ESRRB: variants seen among roughly 807,000 people sequenced by gnomAD.
ESRRB encodes estrogen related receptor beta, also known as steroid hormone receptor ERR2.
ESRRB carries 16 observed loss-of-function variants against 46.0 expected under a neutral mutation model. That is an observed-to-expected ratio of 0.35 (90% CI 0.24 to 0.53). ESRRB has a LOEUF of 0.53. ESRRB is among the 20% of genes least tolerant of loss of function. The probability of loss-of-function intolerance (pLI) is 0.93; values close to 1 mark genes in which losing one functional copy is unlikely to be tolerated. For missense variants in ESRRB, 488 were observed against 607.4 expected, an observed-to-expected ratio of 0.80 and a Z score of 2.07; for synonymous variants, 246 against 259.6, an observed-to-expected ratio of 0.95 and a Z score of 0.50.
chr14:76,500,151 C>A lies in ESRRB; in HGVS notation c.*1693C>A. 1 of 1,177,140 alleles carries A rather than the reference C, an allele frequency of 8.5e-7. No individual in the cohort carries two copies. The highest frequency in any genetic ancestry group is 1.2e-6 in the Non-Finnish European group (1 of 829,746). The allele number at this position is 1,177,140 out of a possible 1,614,324, so 72.9% of individuals were successfully genotyped here. ...GAACCTCCCGGCCTGGGCTTCTGGGCTGGGACGTGCTGAGGTCATCCCAGA... is the reference window on the plus strand; with the variant it reads ...GAACCTCCCGGCCTGGGCTTCTGGGATGGGACGTGCTGAGGTCATCCCAGA... On this transcript the variant is annotated 3_prime_UTR_variant, in exon 7 of 7. Coordinates refer to ENST00000644823, the MANE Select transcript of ESRRB (RefSeq NM_001379180.1).
chr14:76,383,198 A>G (rs951321891), intron 1 of ESRRB, among the ~76,000 whole-genome samples: 3 of 152,198 alleles, frequency 2.0e-5, no homozygotes, highest in African/African-American at 7.2e-5. Flanking sequence ...CTTTTCTATC[A>G]AGGAAACGAT....
chr14:76,418,142 A>T (rs569179055), intron 1 of ESRRB, among the ~76,000 whole-genome samples: 36 of 151,872 alleles, frequency 2.4e-4, no homozygotes, highest in African/African-American at 6.8e-4. Flanking sequence ...TTTTAGTAAG[A>T]CAGGGTTTCA....
At chr14:76,437,504 C>T (rs540481828) in intron 1 of ESRRB, among the ~76,000 whole-genome samples, 1 of 152,326 alleles carries the variant, frequency 6.6e-6, no homozygotes, top group South Asian at 2.1e-4. Context: ...CCCTGCCACC[C>T]AAGAGTCGTC....
intron 1 of ESRRB, among the ~76,000 whole-genome samples, chr14:76,434,479 T>C (rs772956871): frequency 1.2e-4 from 18 of 151,692 alleles, no homozygotes; most frequent in Admixed American, 1.1e-3. Flanking sequence ...AGCGAACCCC[T>C]GTCTCTACCA....
chr14:76,327,373 T>C (rs1377801288), intron 1 of ESRRB, among the ~76,000 whole-genome samples: 2 of 152,212 alleles, frequency 1.3e-5, no homozygotes, highest in African/African-American at 4.8e-5. Flanking sequence ...TGGACAAGTG[T>C]CTCAGAAGAT....
Position 76,333,103 on chromosome 14 carries a change from TAA to T in ESRRB, c.2+22188_2+22189del, listed in dbSNP as rs1194956102. On this transcript the variant is annotated intron_variant, in intron 1 of 6. Coordinates refer to the ESRRB transcript ENST00000512784. ...TATTATTTATATTATATATTATATA[TAA>T]TATATAATATATAATATATATATTA... Among the ~76,000 whole-genome samples, 18 of 13,732 alleles carry T rather than the reference TAA, an allele frequency of 1.3e-3. 3 individuals are homozygous for T. Among genetic ancestry groups the T allele is most frequent in the South Asian group, 3.3e-3 (1 of 300 alleles). The allele number at this position is 13,732 out of a possible 152,430, so 9.0% of individuals were successfully genotyped here.
intron 1 of ESRRB, among the ~76,000 whole-genome samples, chr14:76,390,458 CAGCCTGGAAAATAA>C (rs1885422205): frequency 6.6e-6 from 1 of 152,126 alleles, no homozygotes; most frequent in Non-Finnish European, 1.5e-5. Context: ...CACTGCACTC[CAGCCTGGAAAATAA>C]AGCAAGACTC....
At chr14:76,456,337 A>C (rs1370731790) in intron 2 of ESRRB, among the ~76,000 whole-genome samples, 1 of 152,170 alleles carries the variant, frequency 6.6e-6, no homozygotes, top group East Asian at 1.9e-4. Flanking sequence ...GGTGTGCTCC[A>C]TGTGCCATGA....
chr14:76,326,928 C>T (rs540380926), intron 1 of ESRRB, among the ~76,000 whole-genome samples: 8 of 152,382 alleles, frequency 5.2e-5, no homozygotes, highest in South Asian at 2.1e-4. Context: ...AGAGCAGCCA[C>T]GCCTGGGCCC....
At chr14:76,357,315 C>T (rs764076135) in intron 1 of ESRRB, among the ~76,000 whole-genome samples, 4 of 152,184 alleles carry the variant, frequency 2.6e-5, no homozygotes, top group Non-Finnish European at 4.4e-5. Context: ...ATAAAACATT[C>T]AGAGCCTTTG....
At chr14:76,339,641 A>C (rs1884168205) in intron 1 of ESRRB, among the ~76,000 whole-genome samples, 1 of 152,142 alleles carries the variant, frequency 6.6e-6, no homozygotes, top group Non-Finnish European at 1.5e-5. Context: ...CTCTGGACAG[A>C]GAAAGCAGCC....
chr14:76,344,393 A>G (rs930239705), intron 1 of ESRRB, among the ~76,000 whole-genome samples: 6 of 152,112 alleles, frequency 3.9e-5, no homozygotes, highest in East Asian at 1.9e-4. Context: ...ACACTGCACC[A>G]TATTTGTTGT....
At chr14:76,333,487 T>C (rs190339934) in intron 1 of ESRRB, among the ~76,000 whole-genome samples, 39 of 124,318 alleles carry the variant, frequency 3.1e-4, no homozygotes, top group African/African-American at 1.3e-3. Flanking sequence ...AAATATATAT[T>C]ATATATATTT....
rs1473280623 is a variant in ESRRB at position 76,501,699 on chromosome 14, T to A, written c.*3241T>A. 1 of 152,202 alleles carries A rather than the reference T, an allele frequency of 6.6e-6. No individual in the cohort carries two copies. The highest frequency in any genetic ancestry group is 1.5e-5 in the Non-Finnish European group (1 of 68,032). 9.4% of individuals were successfully genotyped at this position (152,202 alleles called of 1,614,324 possible). The stretch of plus-strand genomic sequence containing the variant: ...TGTATATATTTTTTAAAATGGCAGT[T>A]CCCCATTGCAGCATCACCTACTTGT... On this transcript the variant is annotated 3_prime_UTR_variant, in exon 7 of 7. Coordinates refer to ENST00000644823, the MANE Select transcript of ESRRB (RefSeq NM_001379180.1).
At chr14:76,368,386 A>G (rs11159197), upstream of ESRRB, among the ~76,000 whole-genome samples, 29,942 of 152,010 alleles carry the variant, frequency 0.2, 3,679 homozygotes, top group Non-Finnish European at 0.28. Flanking sequence ...TGGGCTTGGT[A>G]GAATTACCCC....
At position 76,439,544 on chromosome 14, in the gene ESRRB, G is replaced by A; in HGVS notation, c.254G>A (p.Gly85Asp). The change falls in exon 2 of 7, where the codon GGC (glycine) becomes GAC (aspartate). Residue 85 changes from glycine to aspartate, a missense_variant. Physicochemically the swap from Gly to Asp is moderately conservative, Grantham distance 94. Coordinates refer to ENST00000644823, the MANE Select transcript of ESRRB (RefSeq NM_001379180.1). ...CTGGACTCGCCACCCATGTTTGCAG[G>A]CGCCGGGCTGGGAGGCACCCCATGC... ...NGLDSPPMFA[G>D]AGLGGTPCRK... The A allele has an allele frequency of 6.2e-7, 1 of 1,613,838 alleles. No individual in the cohort carries two copies. Among genetic ancestry groups the A allele is most frequent in the Non-Finnish European group, 8.5e-7 (1 of 1,179,978 alleles).
At chr14:76,472,969 G>T (rs572607426) in intron 3 of ESRRB, among the ~76,000 whole-genome samples, 6 of 152,274 alleles carry the variant, frequency 3.9e-5, no homozygotes, top group Non-Finnish European at 8.8e-5. Context: ...CATCTCCCTA[G>T]ACCTACTGAC....
At chr14:76,484,864 G>A (rs1305052464) in intron 5 of ESRRB, among the ~76,000 whole-genome samples, 1 of 152,218 alleles carries the variant, frequency 6.6e-6, no homozygotes, top group East Asian at 1.9e-4. Flanking sequence ...GTCCTTGTCT[G>A]TAAAATGGGA....
rs1023799535 is a variant in ESRRB at position 76,482,114 on chromosome 14, G to A, written c.676G>A (p.Ala226Thr). The change falls in exon 4 of 7, where the codon GCT becomes ACT. Residue 226 changes from alanine (A) to threonine (T), a missense_variant. Physicochemically the swap from Ala to Thr is moderately conservative, Grantham distance 58 (BLOSUM62 0). Transcript: ENST00000644823. The surrounding 1 kb of genome is among the most constrained non-coding windows in gnomAD (Gnocchi z 4.3). ...PYLSLQISPP[A>T]KKPLTKIVSY... is the part of the protein sequence containing the mutation. Reference sequence around the variant, plus strand: ...CCTGAGCTTACAAATTTCTCCACCTGCTAAAAAGCCATGTGAGTGTCAGGG... The same window carrying A: ...CCTGAGCTTACAAATTTCTCCACCTACTAAAAAGCCATGTGAGTGTCAGGG... 2.5e-6 allele frequency: 4 copies of A among 1,613,884 alleles called. No individual in the cohort carries two copies. Among genetic ancestry groups the A allele is most frequent in the African/African-American group, 2.7e-5 (2 of 75,026 alleles).
Sources: allele counts gnomAD v4.1 joint callset (sites outside exome capture counted in the v4.1 genomes callset), GRCh38; gene constraint gnomAD v4.1.1; non-coding constraint Gnocchi (gnomAD v3.1); transcripts MANE v1.5; gene names NCBI Gene and HGNC (gene_info 2026-07-23, HGNC 2026-07-21).